TMEM132B: variants seen among roughly 807,000 people sequenced by gnomAD.
TMEM132B encodes the protein transmembrane protein 132B.
In TMEM132B, 18 loss-of-function variants were observed where a neutral mutation model predicts 90.8. The observed-to-expected ratio is 0.20, with a 90% CI of 0.14 to 0.29. TMEM132B has a LOEUF of 0.29. Ranked by LOEUF, TMEM132B falls within the 10% of genes least tolerant of loss-of-function variation. The pLI is 1.00. For synonymous variants in TMEM132B, 504 were observed against 523.3 expected, an observed-to-expected ratio of 0.96 and a Z score of 0.50; for missense variants, 1,096 against 1,326.8, an observed-to-expected ratio of 0.83 and a Z score of 2.70.
intron 1 of TMEM132B, among the ~76,000 whole-genome samples, chr12:125,310,980 G>A (rs928527795): frequency 3.3e-5 from 5 of 152,174 alleles, no homozygotes; most frequent in African/African-American, 9.7e-5. Context: ...ACCTGTTCCC[G>A]GAGCTTCCCA....
intron 5 of TMEM132B, among the ~76,000 whole-genome samples, chr12:125,592,248 T>C (rs1217548964): frequency 6.6e-6 from 1 of 152,056 alleles, no homozygotes; most frequent in Non-Finnish European, 1.5e-5. Context: ...TGTAAATGAA[T>C]TGTGGTTTTC....
At chr12:125,404,648 C>T (rs1161796764) in intron 2 of TMEM132B, among the ~76,000 whole-genome samples, 1 of 152,172 alleles carries the variant, frequency 6.6e-6, no homozygotes, top group East Asian at 1.9e-4. Flanking sequence ...GTGTTATTAT[C>T]CACATTTTAC....
chr12:125,399,458 AGT>A (rs139362756), intron 2 of TMEM132B, among the ~76,000 whole-genome samples: 2,816 of 132,608 alleles, frequency 0.021, 102 homozygotes, highest in South Asian at 0.077. Flanking sequence ...TGAAGAAGGA[AGT>A]GTGTGTGTGT....
intron 4 of TMEM132B, among the ~76,000 whole-genome samples, chr12:125,522,013 G>A (rs2136667386): frequency 6.6e-6 from 1 of 152,290 alleles, no homozygotes; most frequent in East Asian, 1.9e-4. Context: ...AATCCAGCCT[G>A]TCCCTCAGAA....
intron 2 of TMEM132B, among the ~76,000 whole-genome samples, chr12:125,390,278 A>G (rs1347622857): frequency 6.6e-6 from 1 of 152,280 alleles, no homozygotes; most frequent in Non-Finnish European, 1.5e-5. Context: ...GCCACAGTAT[A>G]TTCATGCAGT....
chr12:125,317,411 G>A (rs916150993), intron 1 of TMEM132B, among the ~76,000 whole-genome samples: 5 of 152,092 alleles, frequency 3.3e-5, no homozygotes, highest in African/African-American at 9.7e-5. Flanking sequence ...CCATGCATCC[G>A]GAGCATGGAT....
intron 5 of TMEM132B, among the ~76,000 whole-genome samples, chr12:125,590,088 C>T (rs1210232648): frequency 2.0e-5 from 3 of 152,130 alleles, no homozygotes; most frequent in Non-Finnish European, 4.4e-5. Context: ...CCTCTCTGAC[C>T]ATGTGGGCCA....
intron 1 of TMEM132B, among the ~76,000 whole-genome samples, chr12:125,341,696 T>G (rs939341847): frequency 1.3e-5 from 2 of 152,220 alleles, no homozygotes; most frequent in African/African-American, 4.8e-5. Flanking sequence ...ATTTGAATCA[T>G]CTAGCAAACA....
chr12:125,578,111 T>C (rs1191529274), intron 4 of TMEM132B, among the ~76,000 whole-genome samples: 2 of 152,290 alleles, frequency 1.3e-5, no homozygotes, highest in African/African-American at 4.8e-5. Flanking sequence ...ATGTCTGTTA[T>C]GTCTTGTTTC....
At chr12:125,228,429 A>C (rs1873731625) in intron 1 of TMEM132B, among the ~76,000 whole-genome samples, 1 of 152,214 alleles carries the variant, frequency 6.6e-6, no homozygotes, top group Non-Finnish European at 1.5e-5. Context: ...AGGCAGCAGC[A>C]ACTCTCTTGG....
chr12:125,322,135 T>A (rs182093849), intron 1 of TMEM132B, among the ~76,000 whole-genome samples: 377 of 152,314 alleles, frequency 2.5e-3, no homozygotes, highest in Admixed American at 4.2e-3. Flanking sequence ...TCCCCACGTG[T>A]CGTGGGAGGG....
chr12:125,480,185 CACAATTAA>C (rs1433070773), intron 3 of TMEM132B, among the ~76,000 whole-genome samples: 1 of 152,120 alleles, frequency 6.6e-6, no homozygotes, highest in African/African-American at 2.4e-5. Flanking sequence ...ACCCTAACAT[CACAATTAA>C]AAGAGTTAGA....
chr12:125,484,182 G>A (rs191346284), intron 3 of TMEM132B, among the ~76,000 whole-genome samples: 33 of 152,304 alleles, frequency 2.2e-4, no homozygotes, highest in African/African-American at 7.5e-4. Context: ...TTACAGGCAT[G>A]AGCCACTGTG....
chr12:125,385,987 C>CTTGT (rs879504639), intron 2 of TMEM132B, among the ~76,000 whole-genome samples: 30 of 151,982 alleles, frequency 2.0e-4, no homozygotes, highest in African/African-American at 6.8e-4. Context: ...TGCTTGTTTG[C>CTTGT]TTGTTTGTTT....
At chr12:125,601,335 G>A (rs1293763260) in intron 5 of TMEM132B, among the ~76,000 whole-genome samples, 13 of 152,102 alleles carry the variant, frequency 8.5e-5, no homozygotes, top group Admixed American at 8.5e-4. Flanking sequence ...ACAACTACAT[G>A]GAAATTGAAC....
At chr12:125,540,818 C>G (rs888526935) in intron 4 of TMEM132B, among the ~76,000 whole-genome samples, 2 of 152,360 alleles carry the variant, frequency 1.3e-5, no homozygotes, top group East Asian at 1.9e-4. Context: ...GTCATCTTCT[C>G]TCACTTAGAA....
intron 1 of TMEM132B, among the ~76,000 whole-genome samples, chr12:125,258,806 A>G (rs1300270172): frequency 6.6e-6 from 1 of 152,178 alleles, no homozygotes; most frequent in African/African-American, 2.4e-5. Context: ...CGGGATCAGG[A>G]GTGACTGGGA....
Position 125,457,422 on chromosome 12 carries a change from A to G in TMEM132B, c.1106+41745A>G, listed in dbSNP as rs567480293. Among the ~76,000 whole-genome samples the G allele has an allele frequency of 2.0e-3, 298 of 152,200 alleles. 2 individuals are homozygous for G. Among genetic ancestry groups the G allele is most frequent in the African/African-American group, 7.0e-3 (289 of 41,514 alleles). On this transcript the variant is annotated intron_variant, in intron 3 of 8. Transcript: ENST00000682704. ...GGGATCTGCATTCTGGGGTTCCTTG[A>G]TCTCTTTATTAATCACGGCCAGCTC...
chr12:125,330,038 G>A lies in TMEM132B; in HGVS notation c.68-19414G>A, dbSNP rs567052647. ...CTGTGGCCATTGTTCCGTGGCCGAC[G>A]CTGTGGTCCGACGATCTGTGTCACG... On this transcript the variant is annotated intron_variant, in intron 1 of 8. Coordinates refer to ENST00000682704, the MANE Select transcript of TMEM132B (RefSeq NM_001366854.1). Among the ~76,000 whole-genome samples the A allele has an allele frequency of 1.7e-3, 266 of 152,348 alleles. 3 individuals are homozygous for A. The highest frequency in any genetic ancestry group is 6.1e-3 in the African/African-American group (254 of 41,582).
Sources: gnomAD v4.1 joint callset for allele counts (sites outside exome capture counted in the v4.1 genomes callset) on GRCh38, gnomAD v4.1.1 for gene constraint, MANE v1.5 for transcripts, NCBI Gene and HGNC (gene_info 2026-07-23, HGNC 2026-07-21) for gene names.